The following ZNF679 variants were observed in gnomAD, a reference collection of about 807,000 sequenced individuals.
ZNF679 encodes the protein hypothetical protein MGC42415.
A neutral mutation model predicts 13.4 loss-of-function variants in ZNF679; 10 were observed. The ratio of observed to expected loss-of-function variants is 0.75; its 90% CI spans 0.46 to 1.27. The LOEUF (loss-of-function observed/expected upper bound fraction) is 1.27. ZNF679 is among the 50% of genes most tolerant of loss of function. The pLI is 0.00. For missense variants in ZNF679, 525 were observed against 477.8 expected (o/e 1.10, Z -0.92); for synonymous variants, 179 against 162.5 (o/e 1.10, Z -0.77).
At chr7:64,257,032 T>TTAA (rs1227791998) in intron 2 of ZNF679, among the ~76,000 whole-genome samples, 6 of 152,200 alleles carry the variant, frequency 3.9e-5, no homozygotes, top group Admixed American at 3.9e-4. Context: ...TCTCACCTTC[T>TTAA]TAATTTCAGC....
At chr7:64,244,654 G>A (rs1371164708) in intron 1 of ZNF679, among the ~76,000 whole-genome samples, 1 of 152,160 alleles carries the variant, frequency 6.6e-6, no homozygotes, top group Non-Finnish European at 1.5e-5. Context: ...GAGGGAAAGC[G>A]AATCCACAAA....
intron 4 of ZNF679, 114 bp downstream of exon 4, chr7:64,261,043 A>G: frequency 4.7e-6 from 5 of 1,068,568 alleles, no homozygotes; most frequent in East Asian, 2.8e-5. Flanking sequence ...AGAGTTTCTA[A>G]GAAGCCCGAG....
chr7:64,253,280 G>A (rs1787965008), intron 2 of ZNF679, among the ~76,000 whole-genome samples: 1 of 152,082 alleles, frequency 6.6e-6, no homozygotes, highest in Non-Finnish European at 1.5e-5. Context: ...CAAAAACTAA[G>A]TGAACATCTC....
intron 1 of ZNF679, among the ~76,000 whole-genome samples, chr7:64,242,337 G>A (rs184996531): frequency 2.0e-5 from 3 of 152,276 alleles, no homozygotes; most frequent in African/African-American, 7.2e-5. Flanking sequence ...CCACTTGCAG[G>A]TTTTATATGG....
intron 1 of ZNF679, among the ~76,000 whole-genome samples, chr7:64,239,490 C>G (rs1488265630): frequency 6.6e-6 from 1 of 152,180 alleles, no homozygotes; most frequent in Non-Finnish European, 1.5e-5. Context: ...TAGTAATTTG[C>G]TAGTCCTTCT....
chr7:64,256,028 G>C (rs572238206), intron 2 of ZNF679, among the ~76,000 whole-genome samples: 1 of 152,230 alleles, frequency 6.6e-6, no homozygotes, highest in Non-Finnish European at 1.5e-5. Flanking sequence ...CAGGTACTAA[G>C]CATAGTACCC....
chr7:64,231,749 G>A (rs981303939), intron 1 of ZNF679, among the ~76,000 whole-genome samples: 4 of 152,178 alleles, frequency 2.6e-5, no homozygotes, highest in Non-Finnish European at 4.4e-5. Flanking sequence ...CGGGGCCCAG[G>A]CAGGAGCATC....
chr7:64,261,056 A>T, intron 4 of ZNF679, 127 bp downstream of exon 4: 2 of 957,550 alleles, frequency 2.1e-6, no homozygotes, highest in South Asian at 3.6e-5. Context: ...AGCCCGAGTC[A>T]TTTTTTTTTC....
intron 4 of ZNF679, among the ~76,000 whole-genome samples, chr7:64,262,527 T>C (rs1315703502): frequency 6.6e-6 from 1 of 152,236 alleles, no homozygotes; most frequent in Non-Finnish European, 1.5e-5. Flanking sequence ...GTTTATTTTT[T>C]CAATGTAGAT....
At position 64,266,496 on chromosome 7, in the gene ZNF679, GA is replaced by G. The variant is rs751919306; in HGVS notation, c.865del (p.Ile289PhefsTer56). On this transcript the variant is annotated frameshift_variant, in exon 5 of 5. Transcript: ENST00000421025. LOFTEE classifies it low-confidence loss of function (END_TRUNC). ...TCCTCAACACTTGCTAACCACAAGA[GA>G]ATTCATACTGGAGAGAAACCATACA... ...SRSSTLANHK[R>X]IHTGEKPYTC... The G allele has an allele frequency of 2.0e-5, 32 of 1,613,030 alleles. No individual in the cohort carries two copies. Among genetic ancestry groups the G allele is most frequent in the Non-Finnish European group, 1.9e-5 (23 of 1,179,666 alleles).
chr7:64,234,190 AG>A (rs1328537677), intron 1 of ZNF679, among the ~76,000 whole-genome samples: 2 of 152,244 alleles, frequency 1.3e-5, no homozygotes, highest in Non-Finnish European at 2.9e-5. Context: ...CAGAGGAAGG[AG>A]GAACCTGACC....
chr7:64,256,367 G>T (rs1788004833), intron 2 of ZNF679, among the ~76,000 whole-genome samples: 1 of 152,114 alleles, frequency 6.6e-6, no homozygotes, highest in Admixed American at 6.5e-5. Flanking sequence ...AAATAGTGCT[G>T]TAATAAACAT....
chr7:64,257,278 T>A (rs1216941124), intron 2 of ZNF679, among the ~76,000 whole-genome samples: 1 of 152,212 alleles, frequency 6.6e-6, no homozygotes. Flanking sequence ...TTCTGGTATG[T>A]TGTATTTCAG....
At chr7:64,239,167 CA>C (rs1787762528) in intron 1 of ZNF679, among the ~76,000 whole-genome samples, 1 of 152,102 alleles carries the variant, frequency 6.6e-6, no homozygotes, top group Admixed American at 6.6e-5. Context: ...ATCTCAAACC[CA>C]GGGGCAGTTA....
intron 1 of ZNF679, among the ~76,000 whole-genome samples, chr7:64,243,738 G>T (rs1238206895): frequency 6.6e-6 from 1 of 152,134 alleles, no homozygotes; most frequent in African/African-American, 2.4e-5. Flanking sequence ...GTGAGGCCTA[G>T]GCAAAAGAGA....
At chr7:64,242,072 C>T (rs1016963824) in intron 1 of ZNF679, among the ~76,000 whole-genome samples, 4 of 152,234 alleles carry the variant, frequency 2.6e-5, no homozygotes, top group African/African-American at 9.6e-5. Flanking sequence ...CCGAACCCCA[C>T]TTATAAACAG....
At chr7:64,235,479 C>T (rs1006007074) in intron 1 of ZNF679, among the ~76,000 whole-genome samples, 1 of 151,676 alleles carries the variant, frequency 6.6e-6, no homozygotes, top group African/African-American at 2.4e-5. Context: ...ACTAAATAAT[C>T]CCAGCATTAG....
chr7:64,265,045 T>C (rs181374671), intron 4 of ZNF679, among the ~76,000 whole-genome samples: 1 of 152,198 alleles, frequency 6.6e-6, no homozygotes, highest in African/African-American at 2.4e-5. Flanking sequence ...GATTATCTTA[T>C]GTTTTTAAAA....
At chr7:64,260,424 C>A (rs1788061237) in intron 3 of ZNF679, 77 bp downstream of exon 3, 1 of 1,546,320 alleles carries the variant, frequency 6.5e-7, no homozygotes, top group Non-Finnish European at 8.7e-7. Context: ...GTAATTTCTG[C>A]TTTGCATGAG....
Sources: gnomAD v4.1 joint callset for allele counts (sites outside exome capture counted in the v4.1 genomes callset) on GRCh38, gnomAD v4.1.1 for gene constraint, MANE v1.5 for transcripts, NCBI Gene and HGNC (gene_info 2026-07-23, HGNC 2026-07-21) for gene names.